Variants in LRCH1 observed in about 807,000 individuals in gnomAD.
The protein encoded by LRCH1 is leucine rich repeats and calponin homology domain containing 1, also known as leucine-rich repeat and calponin homology domain-containing protein 1.
LRCH1 carries 23 observed loss-of-function variants against 94.9 expected under a neutral mutation model. That is an observed-to-expected ratio of 0.24 (90% confidence interval 0.17 to 0.34). The LOEUF (loss-of-function observed/expected upper bound fraction) is 0.34. Ranked by LOEUF, LRCH1 falls within the 10% of genes least tolerant of loss-of-function variation. The pLI is 1.00. For missense variants in LRCH1, 790 were observed against 945.9 expected (o/e 0.84, Z 2.16); for synonymous variants, 364 against 354.9 (o/e 1.03, Z -0.29).
chr13:46,572,886 G>C (rs919489585), intron 1 of LRCH1, among the ~76,000 whole-genome samples: 14 of 152,068 alleles, frequency 9.2e-5, no homozygotes, highest in African/African-American at 3.1e-4. Flanking sequence ...AAGGATAGTA[G>C]CGTGCTCAGT....
intron 2 of LRCH1, among the ~76,000 whole-genome samples, chr13:46,659,216 T>G (rs2051414679): frequency 6.6e-6 from 1 of 151,572 alleles, no homozygotes; most frequent in Non-Finnish European, 1.5e-5. Context: ...TGAGACTTGT[T>G]GAGTCTTGTT....
At chr13:46,700,803 C>T (rs1047349014) in intron 10 of LRCH1, among the ~76,000 whole-genome samples, 2 of 152,190 alleles carry the variant, frequency 1.3e-5, no homozygotes, top group Non-Finnish European at 2.9e-5. Flanking sequence ...CCCCCTAGAA[C>T]TCAGTAAAGC....
rs1207396190 is a variant in LRCH1, at chr13:46,744,132, G to T, written c.*2284G>T. On this transcript the variant is annotated 3_prime_UTR_variant, in exon 20 of 20. Transcript: ENST00000389797. ...AGCTTCTCTGTGGTTTTTCTCCAAG[G>T]TACCCGTGCACCAGCCCATATGCTA... The T allele has an allele frequency of 5.1e-6, 5 of 985,050 alleles. No individual in the cohort carries two copies. Among genetic ancestry groups the T allele is most frequent in the Non-Finnish European group, 6.0e-6 (5 of 829,886 alleles). 61.0% of individuals were successfully genotyped at this position (985,050 alleles called of 1,614,324 possible).
At chr13:46,583,538 G>T (rs1320208192) in intron 1 of LRCH1, among the ~76,000 whole-genome samples, 1 of 152,218 alleles carries the variant, frequency 6.6e-6, no homozygotes, top group Admixed American at 6.5e-5. Context: ...GATTGCTTCA[G>T]ATTCCTGGCT....
intron 1 of LRCH1, among the ~76,000 whole-genome samples, chr13:46,613,091 T>TA (rs1159724802): frequency 2.0e-5 from 3 of 152,290 alleles, no homozygotes; most frequent in African/African-American, 7.2e-5. Flanking sequence ...TAATTTTCTT[T>TA]AAAAAAATGC....
At chr13:46,568,070 G>T (rs1313747409) in intron 1 of LRCH1, among the ~76,000 whole-genome samples, 1 of 152,134 alleles carries the variant, frequency 6.6e-6, no homozygotes, top group African/African-American at 2.4e-5. Context: ...TTTTAATACT[G>T]CATGGTAGAT....
chr13:46,666,383 T>C (rs1053240967), intron 2 of LRCH1, among the ~76,000 whole-genome samples: 4 of 152,252 alleles, frequency 2.6e-5, no homozygotes, highest in African/African-American at 9.6e-5. Flanking sequence ...AGCAGAACTT[T>C]CTTTGTGTTT....
At chr13:46,565,386 G>A (rs932757020) in intron 1 of LRCH1, among the ~76,000 whole-genome samples, 1 of 152,156 alleles carries the variant, frequency 6.6e-6, no homozygotes, top group East Asian at 1.9e-4. Flanking sequence ...ATTGCATGGG[G>A]GGAAACAGGC....
At chr13:46,672,301 C>A in intron 3 of LRCH1, among the ~76,000 whole-genome samples, 1 of 151,356 alleles carries the variant, frequency 6.6e-6, no homozygotes, top group East Asian at 1.9e-4. Flanking sequence ...TGGTGGCTTG[C>A]AAGTTTTGCC....
intron 8 of LRCH1, among the ~76,000 whole-genome samples, chr13:46,694,035 A>G (rs1300605165): frequency 2.0e-5 from 3 of 152,248 alleles, no homozygotes; most frequent in African/African-American, 4.8e-5. Context: ...TATGTTGTCT[A>G]AAAACATAGC....
intron 11 of LRCH1, among the ~76,000 whole-genome samples, chr13:46,704,209 G>A (rs1349843497): frequency 1.1e-4 from 16 of 152,070 alleles, no homozygotes; most frequent in Non-Finnish European, 1.5e-5. Flanking sequence ...GACACTTGAA[G>A]ATGTCATTTA....
intron 11 of LRCH1, among the ~76,000 whole-genome samples, chr13:46,703,877 A>AGAAGGAAATATATTAAAATG (rs199983931): frequency 6.6e-6 from 1 of 152,054 alleles, no homozygotes; most frequent in Non-Finnish European, 1.5e-5. Flanking sequence ...ATGGATTTTA[A>AGAAGGAAATATATTAAAATG]GAAGGAAATA....
intron 7 of LRCH1, among the ~76,000 whole-genome samples, chr13:46,691,856 A>G (rs1041374769): frequency 6.6e-6 from 1 of 151,810 alleles, no homozygotes; most frequent in Non-Finnish European, 1.5e-5. Flanking sequence ...CGCCCAGCTA[A>G]TTTTTGTATT....
In LRCH1 at chr13:46,597,562, G is replaced by A. The variant is rs535402944; in HGVS notation, c.307+43859G>A. Among the ~76,000 whole-genome samples, 5 of 152,166 alleles carry A rather than the reference G, an allele frequency of 3.3e-5. No individual in the cohort carries two copies. The South Asian group carries it at 6.2e-4, about 19-fold the overall frequency. On this transcript the variant is annotated intron_variant, in intron 1 of 19. Coordinates refer to ENST00000389797, the MANE Select transcript of LRCH1 (RefSeq NM_001164211.2). ...AGTAGAGACAGGGTTTCACCATGTC[G>A]AACAGGCTGGACTTGAACTCCTGAC...
chr13:46,717,954 A>G (rs1432960045), intron 16 of LRCH1, among the ~76,000 whole-genome samples: 2 of 152,188 alleles, frequency 1.3e-5, no homozygotes, highest in African/African-American at 4.8e-5. Flanking sequence ...GTTCTGCCCC[A>G]TAAGGTGGAT....
At chr13:46,641,251 G>GC (rs2051154604) in intron 1 of LRCH1, among the ~76,000 whole-genome samples, 2 of 152,142 alleles carry the variant, frequency 1.3e-5, no homozygotes, top group African/African-American at 4.8e-5. Flanking sequence ...ACCCTTGCCT[G>GC]CCTAGGTGAA....
Position 46,705,148 on chromosome 13 carries a change from C to G in LRCH1, c.1481C>G (p.Ser494Cys). The change falls in exon 12 of 20, where the codon TCT (serine) becomes TGT (cysteine). Residue 494 changes from serine (S) to cysteine (C), a missense_variant. Physicochemically the swap from Ser to Cys is moderately radical, Grantham distance 112. This residue lies in a region of LRCH1 where 460 missense variants were observed against 508.9 expected (regional missense o/e 0.90). Transcript: ENST00000389797. The part of the protein sequence containing the change: ...GSAEALELQD[S>C]ALNGQIQLET... ...GCAGAAGCCTTAGAATTACAAGATTCTGCACTGAAGTATGCTTGCCTTTTA... is the reference window on the plus strand; with the variant it reads ...GCAGAAGCCTTAGAATTACAAGATTGTGCACTGAAGTATGCTTGCCTTTTA... 1 of 1,607,246 alleles carries G rather than the reference C, an allele frequency of 6.2e-7. No homozygotes were observed. The highest frequency in any genetic ancestry group is 8.5e-7 in the Non-Finnish European group (1 of 1,176,598).
intron 5 of LRCH1, 53 bp downstream of exon 5, chr13:46,686,094 G>A (rs1593351662): frequency 7.2e-7 from 1 of 1,390,602 alleles, no homozygotes; most frequent in Non-Finnish European, 9.4e-7. Context: ...TGTTATAGGA[G>A]CCAAGGGAAA....
At chr13:46,601,315 A>G in intron 1 of LRCH1, among the ~76,000 whole-genome samples, 1 of 152,262 alleles carries the variant, frequency 6.6e-6, no homozygotes. Flanking sequence ...AGAGATGTGC[A>G]GACTGTGTGG....
Sources: allele counts gnomAD v4.1 joint callset (sites outside exome capture counted in the v4.1 genomes callset), GRCh38; gene constraint gnomAD v4.1.1; regional missense constraint gnomAD v4.1.1; transcripts MANE v1.5; gene names NCBI Gene and HGNC (gene_info 2026-07-23, HGNC 2026-07-21).